Variants in SCG3 observed in about 807,000 individuals in gnomAD.
SCG3 encodes secretogranin III.
Under a neutral mutation model 56.2 loss-of-function variants are expected in SCG3, and 38 were observed. That is an observed-to-expected ratio of 0.68 (90% CI 0.52 to 0.89). The LOEUF (loss-of-function observed/expected upper bound fraction) is 0.89, where lower values mean the gene tolerates loss of function less well. Ranked by LOEUF, SCG3 falls within the 40% of genes least tolerant of loss-of-function variation. The probability of loss-of-function intolerance (pLI) is 0.00; values close to 1 mark genes in which losing one functional copy is unlikely to be tolerated. For synonymous variants in SCG3, 176 were observed against 184.2 expected (o/e 0.96, Z 0.36); for missense variants, 524 against 540.7 (o/e 0.97, Z 0.31).
At position 51,695,871 on chromosome 15, in the gene SCG3, A is replaced by G; in HGVS notation, c.869-4A>G. On this transcript the variant is annotated splice_polypyrimidine_tract_variant and splice_region_variant and intron_variant, in intron 7 of 11. Transcript: ENST00000220478. Reference sequence around the variant, plus strand: ...GTTTTAAGTTATTTTGTTCTTTCATATAGAAAAAGAAGCAAAAGAGAAAGA... The same window carrying G: ...GTTTTAAGTTATTTTGTTCTTTCATGTAGAAAAAGAAGCAAAAGAGAAAGA... The G allele has an allele frequency of 1.3e-6, 2 of 1,519,808 alleles. No homozygotes were observed. The highest frequency in any genetic ancestry group is 1.8e-6 in the Non-Finnish European group (2 of 1,097,926). The allele number at this position is 1,519,808 out of a possible 1,614,324, so 94.1% of individuals were successfully genotyped here. A position where few individuals can be genotyped will look rare whatever the true frequency, so the allele number is the denominator to read the frequency against.
chr15:51,681,544 TACCTGGAGACTTGACTCCCGCGCGCCCCA>T lies in SCG3; in HGVS notation c.-208_-180del. On this transcript the variant is annotated 5_prime_UTR_variant, in exon 1 of 12. Coordinates refer to ENST00000220478, the MANE Select transcript of SCG3 (RefSeq NM_013243.4). ...CCACAGGGCGGACAGCGCTCCCCTC[TACCTGGAGACTTGACTCCCGCGCGCCCCA>T]ACCCTGCTTATCCCTTGACCGTCGA... 1.7e-6 allele frequency: 1 copy of T among 580,816 alleles called. No individual in the cohort carries two copies. Among genetic ancestry groups the T allele is most frequent in the Non-Finnish European group, 3.1e-6 (1 of 323,970 alleles). The allele number at this position is 580,816 out of a possible 1,614,324, so 36.0% of individuals were successfully genotyped here. A position where few individuals can be genotyped will look rare whatever the true frequency, so the allele number is the denominator to read the frequency against.
intron 7 of SCG3, among the ~76,000 whole-genome samples, chr15:51,695,425 T>C (rs2055296300): frequency 6.6e-6 from 1 of 152,202 alleles, no homozygotes; most frequent in African/African-American, 2.4e-5. Context: ...ATCTACCCTA[T>C]TAGCAAATAT....
chr15:51,692,310 A>G lies in SCG3; in HGVS notation c.842A>G (p.Tyr281Cys). 3 of 1,613,804 alleles carry G rather than the reference A, an allele frequency of 1.9e-6. No individual in the cohort carries two copies. Among genetic ancestry groups the G allele is most frequent in the Non-Finnish European group, 2.5e-6 (3 of 1,179,864 alleles). The change falls in exon 7 of 12, where the codon TAT (tyrosine) becomes TGT (cysteine). Residue 281 changes from tyrosine (Y) to cysteine (C), a missense_variant. Transcript: ENST00000220478. ...GAACTCCAATATTTCCCAAATTTCT[A>G]TGCGCTACTGAAAAGTATTGATTCA... is the stretch of plus-strand genomic sequence containing the variant. ...FEELQYFPNFYALLKSIDSEK... is the reference protein window; with the variant it reads ...FEELQYFPNFCALLKSIDSEK...
In SCG3 at chr15:51,699,353, A is replaced by G. The variant is rs1000936162; in HGVS notation, c.1020A>G (p.Lys340=). 30 of 1,608,476 alleles carry G rather than the reference A, an allele frequency of 1.9e-5. No individual in the cohort carries two copies. Among genetic ancestry groups the G allele is most frequent in the Non-Finnish European group, 2.5e-5 (29 of 1,178,598 alleles). ...ATGAAATGATTGCTCTTCAGACCAA[A>G]AACAAGCTAGAAAAAAATGCTACTG... is the stretch of plus-strand genomic sequence containing the variant. ...NLDEMIALQT[K]NKLEKNATDN... The change falls in exon 9 of 12, where the codon AAA becomes AAG. Residue 340 remains lysine (K), a synonymous_variant. Transcript: ENST00000220478.
chr15:51,686,066 G>A (rs1198037174), intron 4 of SCG3, among the ~76,000 whole-genome samples: 1 of 152,222 alleles, frequency 6.6e-6, no homozygotes, highest in Non-Finnish European at 1.5e-5. Flanking sequence ...CTGGGCAGAT[G>A]ATGACTTGGG....
At chr15:51,682,137 A>G (rs1200773241) in intron 1 of SCG3, among the ~76,000 whole-genome samples, 1 of 152,192 alleles carries the variant, frequency 6.6e-6, no homozygotes, top group Non-Finnish European at 1.5e-5. Context: ...AACCTTTCTC[A>G]GACAGTCTAT....
At chr15:51,704,764 CATATATATATATATATATATATAT>C (rs56192434) in intron 10 of SCG3, among the ~76,000 whole-genome samples, 1 of 67,010 alleles carries the variant, frequency 1.5e-5, no homozygotes, top group Non-Finnish European at 3.5e-5. Flanking sequence ...GTGAGTAATA[CATATATATATATATATATATATAT>C]ATATATACAT....
intron 6 of SCG3, among the ~76,000 whole-genome samples, chr15:51,691,942 T>A (rs1319577221): frequency 1.3e-5 from 2 of 148,494 alleles, no homozygotes; most frequent in African/African-American, 5.3e-5. Flanking sequence ...CTTCAGGGGG[T>A]TTTCCCTGAG....
chr15:51,701,709 C>T (rs1421575922), intron 10 of SCG3, among the ~76,000 whole-genome samples: 1 of 152,140 alleles, frequency 6.6e-6, no homozygotes, highest in Non-Finnish European at 1.5e-5. Flanking sequence ...GGTTTGAGAC[C>T]AGCCTGGGCA....
chr15:51,682,407 A>C, intron 1 of SCG3, 110 bp from the exon 2 acceptor site: 1 of 564,712 alleles, frequency 1.8e-6, no homozygotes, highest in Non-Finnish European at 3.1e-6. Flanking sequence ...ATAGTCATCC[A>C]AAATTATTTC....
chr15:51,696,965 A>AT (rs887040364), intron 8 of SCG3, among the ~76,000 whole-genome samples: 5 of 152,092 alleles, frequency 3.3e-5, no homozygotes, highest in Non-Finnish European at 2.9e-5. Flanking sequence ...GATGAACCTC[A>AT]TTTTTTTTCT....
At chr15:51,719,055 C>A (rs1229302889) in intron 11 of SCG3, among the ~76,000 whole-genome samples, 1 of 152,140 alleles carries the variant, frequency 6.6e-6, no homozygotes, top group Non-Finnish European at 1.5e-5. Context: ...TCACCCCAGA[C>A]CTACTGAATA....
chr15:51,709,685 A>ATT (rs71458463), intron 10 of SCG3, among the ~76,000 whole-genome samples: 1 of 14,044 alleles, frequency 7.1e-5, no homozygotes, highest in Non-Finnish European at 1.5e-4. Flanking sequence ...ATATATATAT[A>ATT]TATATATATA....
At chr15:51,683,585 A>G (rs1385212286) in intron 4 of SCG3, 151 bp downstream of exon 4, 9 of 508,050 alleles carry the variant, frequency 1.8e-5, no homozygotes, top group Admixed American at 1.5e-4. Context: ...TACTGATAAC[A>G]TGTAGAGCCC....
At chr15:51,702,503 C>T (rs536628897) in intron 10 of SCG3, among the ~76,000 whole-genome samples, 8 of 152,266 alleles carry the variant, frequency 5.3e-5, no homozygotes, top group African/African-American at 7.2e-5. Context: ...GTGATCCCCC[C>T]GCCTAGGCCT....
In SCG3 at chr15:51,681,583, A is replaced by G; in HGVS notation, c.-173A>G. On this transcript the variant is annotated 5_prime_UTR_variant, in exon 1 of 12. Coordinates refer to ENST00000220478, the MANE Select transcript of SCG3 (RefSeq NM_013243.4). Reference sequence around the variant, plus strand: ...ACTCCCGCGCGCCCCAACCCTGCTTATCCCTTGACCGTCGAGTGTCAGAGA... The same window carrying G: ...ACTCCCGCGCGCCCCAACCCTGCTTGTCCCTTGACCGTCGAGTGTCAGAGA... 1 of 609,972 alleles carries G rather than the reference A, an allele frequency of 1.6e-6. No individual in the cohort carries two copies. The highest frequency in any genetic ancestry group is 2.9e-6 in the Non-Finnish European group (1 of 340,244). 37.8% of individuals were successfully genotyped at this position (609,972 alleles called of 1,614,324 possible).
chr15:51,699,761 C>T (rs776770278), intron 9 of SCG3, among the ~76,000 whole-genome samples: 15 of 152,096 alleles, frequency 9.9e-5, no homozygotes, highest in Admixed American at 6.5e-5. Context: ...ACTACTGTCC[C>T]TGGTCATCTG....
At chr15:51,691,005 T>G (rs2055263369) in intron 6 of SCG3, among the ~76,000 whole-genome samples, 1 of 152,238 alleles carries the variant, frequency 6.6e-6, no homozygotes. Context: ...TTAAGTGCTC[T>G]GAGGAAAGAA....
At chr15:51,711,141 G>T (rs890530969) in intron 10 of SCG3, among the ~76,000 whole-genome samples, 1 of 152,224 alleles carries the variant, frequency 6.6e-6, no homozygotes, top group African/African-American at 2.4e-5. Flanking sequence ...AAGGAACAAG[G>T]AAGCTGATGC....
Sources: allele counts gnomAD v4.1 joint callset (sites outside exome capture counted in the v4.1 genomes callset), GRCh38; gene constraint gnomAD v4.1.1; transcripts MANE v1.5; gene names NCBI Gene and HGNC (gene_info 2026-07-23, HGNC 2026-07-21).